Variants in GAS7 observed in about 807,000 individuals in gnomAD.
GAS7 encodes the protein growth arrest-specific protein 7.
Under a neutral mutation model 71.1 loss-of-function variants are expected in GAS7, and 28 were observed. That is an observed-to-expected ratio of 0.39 (90% CI 0.29 to 0.54). The LOEUF is 0.54. Ranked by LOEUF, GAS7 falls within the 20% of genes least tolerant of loss-of-function variation. The pLI is 0.62. For missense variants in GAS7, 436 were observed against 627.8 expected, an observed-to-expected ratio of 0.69 and a Z score of 3.27; for synonymous variants, 258 against 245.8, an observed-to-expected ratio of 1.05 and a Z score of -0.46.
chr17:9,981,910 C>G lies in GAS7; in HGVS notation c.305-26G>C. ...CTGGTGAAAGAAGAGCAAAGAAAAT[C>G]ACTTTGAGAATGTCACAGGGCAGAA... On this transcript the variant is annotated intron_variant, in intron 2 of 13. Transcript: ENST00000432992. The surrounding 1 kb of genome is among the most constrained non-coding windows in gnomAD (Gnocchi z 4.4). 1.5e-6 allele frequency: 2 copies of G among 1,299,304 alleles called. No homozygotes were observed. The allele number at this position is 1,299,304 out of a possible 1,614,324, so 80.5% of individuals were successfully genotyped here.
chr17:10,116,379 G>C (rs2073861413), intron 1 of GAS7, among the ~76,000 whole-genome samples: 1 of 152,058 alleles, frequency 6.6e-6, no homozygotes, highest in Non-Finnish European at 1.5e-5. Context: ...GTGCTCATCT[G>C]TAAGAAATGC....
At chr17:10,185,973 G>A (rs368360638) in intron 1 of GAS7, among the ~76,000 whole-genome samples, 1 of 50,124 alleles carries the variant, frequency 2.0e-5, no homozygotes. Flanking sequence ...TTTTTTTTTT[G>A]GAGACGGAGT....
chr17:10,099,559 A>G (rs1300985934), intron 1 of GAS7, among the ~76,000 whole-genome samples: 1 of 152,148 alleles, frequency 6.6e-6, no homozygotes, highest in Non-Finnish European at 1.5e-5. Context: ...TTTCTCCTCC[A>G]ATGTACTTTT....
chr17:10,074,065 G>C (rs2073367487), intron 1 of GAS7, among the ~76,000 whole-genome samples: 2 of 152,238 alleles, frequency 1.3e-5, no homozygotes, highest in Admixed American at 1.3e-4. Flanking sequence ...TTCTGGAAGA[G>C]AGAAAGATGG....
chr17:10,137,760 C>T (rs1366076517), intron 1 of GAS7, among the ~76,000 whole-genome samples: 7 of 151,990 alleles, frequency 4.6e-5, no homozygotes, highest in Admixed American at 1.3e-4. Flanking sequence ...AGGCTGGTCT[C>T]GAACTCCTGG....
Position 9,951,149 on chromosome 17 carries a change from T to G in GAS7, c.526-4166A>C, listed in dbSNP as rs1012963069. Among the ~76,000 whole-genome samples the G allele has an allele frequency of 2.6e-5, 4 of 152,382 alleles. No individual in the cohort carries two copies. In the East Asian group the frequency reaches 7.7e-4, roughly 29 times the overall value. On this transcript the variant is annotated intron_variant, in intron 5 of 13. Transcript: ENST00000432992. The stretch of plus-strand genomic sequence containing the variant: ...GAAAACAAGGGACGGGTTTCAAAAG[T>G]GCACAGATTCCTTATTTTGTATTCC...
At chr17:10,060,204 T>A (rs192881111) in intron 1 of GAS7, among the ~76,000 whole-genome samples, 2 of 152,316 alleles carry the variant, frequency 1.3e-5, no homozygotes, top group African/African-American at 4.8e-5. Context: ...TTAGTAAGGG[T>A]GCTTCTGGAA....
chr17:9,984,868 G>A (rs1337483920), intron 2 of GAS7, among the ~76,000 whole-genome samples: 1 of 152,168 alleles, frequency 6.6e-6, no homozygotes, highest in African/African-American at 2.4e-5. Context: ...GGCATCCCCA[G>A]GAGCAGATGC....
rs543711478 is a variant in GAS7 at position 10,125,535 on chromosome 17, A to C, written c.183+72673T>G. Reference sequence around the variant, plus strand: ...AGCGAAACTCCATCTTAAAAAAAAAAAGAAAAAAAAAAAAGGTCAAACAAC... The same window carrying C: ...AGCGAAACTCCATCTTAAAAAAAAACAGAAAAAAAAAAAAGGTCAAACAAC... On this transcript the variant is annotated intron_variant, in intron 1 of 13. Coordinates refer to ENST00000432992, the MANE Select transcript of GAS7 (RefSeq NM_201433.2). Among the ~76,000 whole-genome samples the C allele has an allele frequency of 5.4e-3, 582 of 108,140 alleles. 3 individuals carry two copies. Among genetic ancestry groups the C allele is most frequent in the African/African-American group, 0.02 (483 of 23,864 alleles). 70.9% of individuals were successfully genotyped at this position (108,140 alleles called of 152,430 possible). A position where few individuals can be genotyped will look rare whatever the true frequency, so the allele number is the denominator to read the frequency against.
chr17:10,081,675 A>G (rs550775567), intron 1 of GAS7, among the ~76,000 whole-genome samples: 1 of 152,330 alleles, frequency 6.6e-6, no homozygotes, highest in East Asian at 1.9e-4. Context: ...TTGAAAACAG[A>G]CACGACCTGA....
chr17:10,068,558 C>T (rs1380148282), intron 1 of GAS7, among the ~76,000 whole-genome samples: 1 of 151,334 alleles, frequency 6.6e-6, no homozygotes, highest in East Asian at 1.9e-4. Context: ...GAGTTCAAGA[C>T]CAGCCTAGAC....
At chr17:9,921,958 CAAAA>C (rs35195748) in intron 11 of GAS7, among the ~76,000 whole-genome samples, 1 of 89,232 alleles carries the variant, frequency 1.1e-5, no homozygotes. Flanking sequence ...GACTCCATCT[CAAAA>C]AAAAAAAAAA....
At chr17:9,951,777 A>AC (rs2069024436) in intron 5 of GAS7, among the ~76,000 whole-genome samples, 1 of 151,144 alleles carries the variant, frequency 6.6e-6, no homozygotes, top group African/African-American at 2.4e-5. Context: ...AAAAAAAAAA[A>AC]AAAAAAAAAC....
At chr17:10,196,165 G>A (rs1296234622) in intron 1 of GAS7, among the ~76,000 whole-genome samples, 3 of 152,224 alleles carry the variant, frequency 2.0e-5, no homozygotes, top group East Asian at 3.9e-4. Context: ...TCGCTCACAC[G>A]CTGTTTGGCA....
chr17:10,039,244 C>T lies in GAS7; in HGVS notation c.184-19347G>A, dbSNP rs116875758. ...GCCATGATTAAAAAAAAAAAGCCCC[C>T]AAGACCCACAGAGATAGTTTAGATC... On this transcript the variant is annotated intron_variant, in intron 1 of 13. Coordinates refer to ENST00000432992, the MANE Select transcript of GAS7 (RefSeq NM_201433.2). Among the ~76,000 whole-genome samples, 790 of 151,606 alleles carry T rather than the reference C, an allele frequency of 5.2e-3. 22 individuals are homozygous for T. In the East Asian group the frequency reaches 0.1, roughly 19 times the overall value.
At chr17:9,966,638 T>C (rs1000910238) in intron 4 of GAS7, among the ~76,000 whole-genome samples, 21 of 152,128 alleles carry the variant, frequency 1.4e-4, no homozygotes, top group Admixed American at 9.2e-4. Flanking sequence ...TTAACCTATT[T>C]GTATGTTTAA....
chr17:9,976,344 T>G (rs2070202129), intron 3 of GAS7, among the ~76,000 whole-genome samples: 1 of 152,228 alleles, frequency 6.6e-6, no homozygotes, highest in Non-Finnish European at 1.5e-5. Flanking sequence ...GGGCCTTCCC[T>G]GGAGTCAGGG....
intron 2 of GAS7, among the ~76,000 whole-genome samples, chr17:10,002,306 G>A (rs555981840): frequency 2.1e-3 from 325 of 152,158 alleles, no homozygotes; most frequent in South Asian, 5.2e-3. Context: ...CCTTCGCAGC[G>A]TCTTCCCTCC....
At chr17:10,121,291 G>C (rs930946660) in intron 1 of GAS7, among the ~76,000 whole-genome samples, 1 of 152,172 alleles carries the variant, frequency 6.6e-6, no homozygotes, top group African/African-American at 2.4e-5. Context: ...TGAGGCAGGA[G>C]AATCGCTTGA....
Sources: allele counts gnomAD v4.1 joint callset (sites outside exome capture counted in the v4.1 genomes callset), GRCh38; gene constraint gnomAD v4.1.1; non-coding constraint Gnocchi (gnomAD v3.1); transcripts MANE v1.5; gene names NCBI Gene and HGNC (gene_info 2026-07-23, HGNC 2026-07-21).